SLC26A3: variants seen among roughly 807,000 people sequenced by gnomAD.
SLC26A3 encodes solute carrier family 26 member 3, also known as chloride anion exchanger.
Under a neutral mutation model 85.6 loss-of-function variants are expected in SLC26A3, and 64 were observed. The ratio of observed to expected loss-of-function variants is 0.75; its 90% CI spans 0.61 to 0.92. SLC26A3 has a LOEUF of 0.92. Among genes scored for constraint, SLC26A3 ranks in the 40% least tolerant of loss-of-function variants. SLC26A3 has a pLI of 0.00. For synonymous variants in SLC26A3, 349 were observed against 336.0 expected (o/e 1.04, Z -0.42); for missense variants, 922 against 927.3 (o/e 0.99, Z 0.07).
intron 1 of SLC26A3, among the ~76,000 whole-genome samples, chr7:107,801,397 C>T (rs750665626): frequency 6.6e-6 from 1 of 152,166 alleles, no homozygotes; most frequent in Non-Finnish European, 1.5e-5. Context: ...CACTCAATAT[C>T]CACAACACAA....
chr7:107,765,949 G>A, intron 20 of SLC26A3, 71 bp from the exon 21 acceptor site: 1 of 1,337,736 alleles, frequency 7.5e-7, no homozygotes. Context: ...CATCTTAGGA[G>A]CTAGAATTTA....
At chr7:107,789,711 T>A (rs1270255723) in intron 5 of SLC26A3, 23 bp from the exon 6 acceptor site, 3 of 1,607,682 alleles carry the variant, frequency 1.9e-6, no homozygotes, top group Non-Finnish European at 2.5e-6. Context: ...CAAAAGCCTT[T>A]GTCAGCATAG....
intron 4 of SLC26A3, 113 bp downstream of exon 4, chr7:107,791,717 A>T: frequency 1.3e-6 from 1 of 742,470 alleles, no homozygotes. Context: ...CTCACAGGAG[A>T]CCATGACTCT....
chr7:107,798,444 G>A lies in SLC26A3; in HGVS notation c.-88-3847C>T, dbSNP rs150108501. Reference sequence around the variant, plus strand: ...CGAGAACCTCCACTCTGCCTGCCCCGCTCTGCTGAGAAGTGTCTTTTGGCC... The same window carrying A: ...CGAGAACCTCCACTCTGCCTGCCCCACTCTGCTGAGAAGTGTCTTTTGGCC... On this transcript the variant is annotated intron_variant, in intron 1 of 20. Transcript: ENST00000340010. Among the ~76,000 whole-genome samples, 24 of 152,110 alleles carry A rather than the reference G, an allele frequency of 1.6e-4. No homozygotes were observed. The East Asian group carries it at 3.1e-3, about 20-fold the overall frequency.
rs775076151 is a variant in SLC26A3 at position 107,791,120 on chromosome 7, A to G, written c.498T>C (p.Ser166=). The part of the protein sequence containing the change: ...TLGLPNNSNN[S]SLLDDERVRV... ...TCACCCTCTCGTCATCCAGTAGTGA[A>G]GAATTATTCGAGTTGTTAGGCAATC... The change falls in exon 5 of 21, where the codon TCT becomes TCC. Residue 166 remains serine (S), a synonymous_variant. Coordinates refer to ENST00000340010, the MANE Select transcript of SLC26A3 (RefSeq NM_000111.3). The G allele has an allele frequency of 2.5e-6, 4 of 1,614,094 alleles. No homozygotes were observed. Among genetic ancestry groups the G allele is most frequent in the Admixed American group, 1.7e-5 (1 of 60,008 alleles).
intron 11 of SLC26A3, among the ~76,000 whole-genome samples, chr7:107,782,034 C>T (rs567667831): frequency 5.9e-5 from 9 of 152,152 alleles, no homozygotes; most frequent in East Asian, 1.9e-4. Context: ...ACAAATGTGG[C>T]GCTTGAGGTT....
rs115824691 is a variant in SLC26A3, at chr7:107,774,217, A to G, written c.1774-64T>C. The G allele has an allele frequency of 4.3e-4, 555 of 1,276,894 alleles. 4 individuals carry two copies. In the African/African-American group the frequency reaches 6.9e-3, roughly 16 times the overall value. The allele number at this position is 1,276,894 out of a possible 1,614,324, so 79.1% of individuals were successfully genotyped here. A position where few individuals can be genotyped will look rare whatever the true frequency, so the allele number is the denominator to read the frequency against. On this transcript the variant is annotated intron_variant, in intron 16 of 20. Coordinates refer to ENST00000340010, the MANE Select transcript of SLC26A3 (RefSeq NM_000111.3). ...GAAAAACATTGTGTATGTCAGAGAT[A>G]GCCAGTGAGTTTCAGAAGCACTGAT...
At chr7:107,796,480 G>C (rs552558115) in intron 1 of SLC26A3, among the ~76,000 whole-genome samples, 1 of 152,190 alleles carries the variant, frequency 6.6e-6, no homozygotes, top group South Asian at 2.1e-4. Context: ...TTTCTCTTTT[G>C]TTTCCATTCC....
Position 107,772,050 on chromosome 7 carries a change from T to G in SLC26A3, c.2062+4A>C, listed in dbSNP as rs772077378. 6.2e-7 allele frequency: 1 copy of G among 1,609,580 alleles called. No individual in the cohort carries two copies. The highest frequency in any genetic ancestry group is 1.1e-5 in the South Asian group (1 of 90,974). On this transcript the variant is annotated splice_donor_region_variant and intron_variant, in intron 18 of 20. Transcript: ENST00000340010. Reference sequence around the variant, plus strand: ...GAACATAAAACAAAAATAAAGCCACTTACCATCAGTTCCAACGATATACAC... The same window carrying G: ...GAACATAAAACAAAAATAAAGCCACGTACCATCAGTTCCAACGATATACAC...
At chr7:107,787,006 G>T in intron 7 of SLC26A3, 97 bp from the exon 8 acceptor site, 1 of 1,023,406 alleles carries the variant, frequency 9.8e-7, no homozygotes, top group South Asian at 1.3e-5. Flanking sequence ...TTCTGTACCT[G>T]TTAAGTAAGA....
chr7:107,786,954 T>A, intron 7 of SLC26A3, 45 bp from the exon 8 acceptor site: 1 of 1,488,294 alleles, frequency 6.7e-7, no homozygotes, highest in Non-Finnish European at 9.4e-7. Flanking sequence ...GAGATGCAAG[T>A]AAGAGTCTTG....
chr7:107,797,739 C>CATTTTTTTTTTTTTTTT (rs781396459), intron 1 of SLC26A3, among the ~76,000 whole-genome samples: 1,203 of 70,276 alleles, frequency 0.017, 62 homozygotes, highest in African/African-American at 0.098. Context: ...TTGAGCAGGA[C>CATTTTTTTTTTTTTTTT]CTTTTTTTTT....
chr7:107,790,150 A>G (rs1345372036), intron 5 of SLC26A3, among the ~76,000 whole-genome samples: 5 of 152,224 alleles, frequency 3.3e-5, no homozygotes, highest in African/African-American at 7.2e-5. Flanking sequence ...TAAGAAATAC[A>G]TAACTGCATA....
At chr7:107,778,487 C>A (rs1472364298) in intron 12 of SLC26A3, among the ~76,000 whole-genome samples, 3 of 149,372 alleles carry the variant, frequency 2.0e-5, no homozygotes, top group Non-Finnish European at 3.0e-5. Flanking sequence ...ACAGAAGACA[C>A]TTTTCCCAAG....
chr7:107,799,513 C>G (rs1794567449), intron 1 of SLC26A3, among the ~76,000 whole-genome samples: 1 of 152,094 alleles, frequency 6.6e-6, no homozygotes, highest in African/African-American at 2.4e-5. Context: ...GCTTCAGCCT[C>G]CCGAGTAGCT....
At chr7:107,783,466 A>G (rs2115845911) in intron 8 of SLC26A3, 114 bp from the exon 9 acceptor site, 1 of 1,266,194 alleles carries the variant, frequency 7.9e-7, no homozygotes, top group Non-Finnish European at 1.1e-6. Flanking sequence ...CTCACTTTGG[A>G]GTATGATTAA....
chr7:107,792,080 T>A lies in SLC26A3; in HGVS notation c.272-140A>T. The A allele has an allele frequency of 1.9e-5, 12 of 620,432 alleles. No homozygotes were observed. The South Asian group carries it at 2.2e-4, about 11-fold the overall frequency. 38.4% of individuals were successfully genotyped at this position (620,432 alleles called of 1,614,324 possible). On this transcript the variant is annotated intron_variant, in intron 3 of 20. Transcript: ENST00000340010. ...TCAAAATGTATTAAAGATGTAAATGTAAGAACTAAAACTATAAAACTTTTA... is the reference window on the plus strand; with the variant it reads ...TCAAAATGTATTAAAGATGTAAATGAAAGAACTAAAACTATAAAACTTTTA...
rs374927524 is a variant in SLC26A3, at chr7:107,791,081, C to T, written c.537G>A (p.Ala179=). ...LDDERVRVAA[A]ASVTVLSGII... ...TTCCAGAAAGCACTGTGACTGATGCCGCCGCCGCCACCCTCACCCTCTCGT... is the reference window on the plus strand; with the variant it reads ...TTCCAGAAAGCACTGTGACTGATGCTGCCGCCGCCACCCTCACCCTCTCGT... The change falls in exon 5 of 21, where the codon GCG becomes GCA. Residue 179 remains alanine, a synonymous_variant. Coordinates refer to ENST00000340010, the MANE Select transcript of SLC26A3 (RefSeq NM_000111.3). The T allele has an allele frequency of 6.0e-5, 97 of 1,613,874 alleles. No individual in the cohort carries two copies. The Middle Eastern group carries it at 8.3e-4, about 14-fold the overall frequency.
chr7:107,783,257 G>A lies in SLC26A3; in HGVS notation c.1067C>T (p.Ser356Leu). 3.1e-6 allele frequency: 5 copies of A among 1,614,214 alleles called. No individual in the cohort carries two copies. The highest frequency in any genetic ancestry group is 4.2e-6 in the Non-Finnish European group (5 of 1,180,030). ...TTTGAGGGAATAGACGCTGGCAACTGAAAAGGCCACTGCAAATGCAACCAT... is the reference window on the plus strand; with the variant it reads ...TTTGAGGGAATAGACGCTGGCAACTAAAAAGGCCACTGCAAATGCAACCAT... ...IAMVAFAVAF[S>L]VASVYSLKYD... Residue 356 changes from serine to leucine, a missense_variant, in exon 9 of 21, where the codon TCA (serine) becomes TTA (leucine). Coordinates refer to ENST00000340010, the MANE Select transcript of SLC26A3 (RefSeq NM_000111.3).
Sources: gnomAD v4.1 joint callset for allele counts (sites outside exome capture counted in the v4.1 genomes callset) on GRCh38, gnomAD v4.1.1 for gene constraint, MANE v1.5 for transcripts, NCBI Gene and HGNC (gene_info 2026-07-23, HGNC 2026-07-21) for gene names.